Variants in KCNN3 observed in about 807,000 individuals in gnomAD.
KCNN3 encodes small conductance calcium-activated potassium channel protein 3.
Under a neutral mutation model 62.9 loss-of-function variants are expected in KCNN3, and 16 were observed. The observed-to-expected ratio is 0.25, with a 90% confidence interval of 0.17 to 0.39. KCNN3 has a LOEUF of 0.39. Among genes scored for constraint, KCNN3 ranks in the 10% least tolerant of loss-of-function variants. The pLI is 1.00. For synonymous variants in KCNN3, 370 were observed against 389.2 expected (o/e 0.95, Z 0.58); for missense variants, 599 against 949.4 (o/e 0.63, Z 4.85).
intron 3 of KCNN3, among the ~76,000 whole-genome samples, chr1:154,743,792 G>A (rs1005702844): frequency 1.3e-5 from 2 of 152,144 alleles, no homozygotes; most frequent in African/African-American, 4.8e-5. Flanking sequence ...AGTGTTCCCA[G>A]CACGTTTAAG....
chr1:154,726,141 A>G, intron 4 of KCNN3, 115 bp from the exon 5 acceptor site: 1 of 725,988 alleles, frequency 1.4e-6, no homozygotes, highest in Non-Finnish European at 2.4e-6. Context: ...TGGAGTGGGA[A>G]CTTGAGCTCT....
intron 1 of KCNN3, among the ~76,000 whole-genome samples, chr1:154,864,423 A>T (rs1652879816): frequency 1.3e-5 from 2 of 152,268 alleles, no homozygotes; most frequent in South Asian, 4.1e-4. Context: ...TTCCGTGACC[A>T]GGGAGAGCAG....
At chr1:154,795,888 C>T (rs563366705) in intron 2 of KCNN3, among the ~76,000 whole-genome samples, 5 of 152,254 alleles carry the variant, frequency 3.3e-5, no homozygotes, top group South Asian at 2.1e-4. Context: ...CAGATGTGGC[C>T]GCAGAGCAGG....
intron 1 of KCNN3, among the ~76,000 whole-genome samples, chr1:154,840,902 C>T (rs1651796935): frequency 6.6e-6 from 1 of 152,252 alleles, no homozygotes; most frequent in Non-Finnish European, 1.5e-5. Flanking sequence ...CCACCGAATC[C>T]AGACTGAGTG....
intron 2 of KCNN3, among the ~76,000 whole-genome samples, chr1:154,789,657 C>A (rs1254657148): frequency 6.6e-6 from 1 of 152,154 alleles, no homozygotes; most frequent in African/African-American, 2.4e-5. Flanking sequence ...TCACACCTGC[C>A]CTGCCATCGG....
At chr1:154,714,810 G>C in intron 6 of KCNN3, 66 bp downstream of exon 6, 1 of 1,600,430 alleles carries the variant, frequency 6.2e-7, no homozygotes, top group Non-Finnish European at 8.6e-7. Flanking sequence ...GCTACTGACA[G>C]AGTTGTAGGA....
Position 154,772,491 on chromosome 1 carries a change from G to A in KCNN3, c.1030-98C>T. 8.2e-7 allele frequency: 1 copy of A among 1,218,688 alleles called. No homozygotes were observed. Among genetic ancestry groups the A allele is most frequent in the East Asian group, 2.5e-5 (1 of 40,728 alleles). 75.5% of individuals were successfully genotyped at this position (1,218,688 alleles called of 1,614,324 possible). On this transcript the variant is annotated intron_variant, in intron 2 of 7. Coordinates refer to ENST00000271915, the MANE Select transcript of KCNN3 (RefSeq NM_002249.6). This position sits in a 1 kb window ranked among gnomAD's most constrained non-coding sequence, Gnocchi z 5.6. The stretch of plus-strand genomic sequence containing the variant: ...GGGGCAGGCTGGGGCAGGCTGCTGG[G>A]CTCAGGTCAGCCTGACCACCTCAGC...
intron 2 of KCNN3, among the ~76,000 whole-genome samples, chr1:154,806,423 T>C (rs1180293563): frequency 6.6e-6 from 1 of 152,194 alleles, no homozygotes; most frequent in Non-Finnish European, 1.5e-5. Context: ...CAGCTGATGC[T>C]CACAACATCA....
chr1:154,822,229 G>C (rs1650929695), intron 1 of KCNN3, 45 bp from the exon 2 acceptor site: 2 of 1,393,482 alleles, frequency 1.4e-6, no homozygotes, highest in African/African-American at 2.8e-5. Context: ...GCGGGGAAAG[G>C]AGCGTCTCAC....
chr1:154,719,805 C>T (rs1302430053), intron 5 of KCNN3, among the ~76,000 whole-genome samples: 1 of 152,126 alleles, frequency 6.6e-6, no homozygotes, highest in Non-Finnish European at 1.5e-5. Context: ...ACCCTGCTTG[C>T]ACCTCCTCTT....
chr1:154,725,569 A>C (rs2101781909), intron 5 of KCNN3, among the ~76,000 whole-genome samples: 1 of 146,018 alleles, frequency 6.8e-6, no homozygotes, highest in East Asian at 2.0e-4. Flanking sequence ...TTTGAGATGG[A>C]ATCTCTCTCT....
intron 2 of KCNN3, among the ~76,000 whole-genome samples, chr1:154,815,967 G>T (rs1296715374): frequency 6.6e-6 from 1 of 152,156 alleles, no homozygotes; most frequent in African/African-American, 2.4e-5. Flanking sequence ...CACATTACAC[G>T]CACCCAGGAG....
At chr1:154,722,049 T>G (rs188992907) in intron 5 of KCNN3, among the ~76,000 whole-genome samples, 4 of 152,088 alleles carry the variant, frequency 2.6e-5, no homozygotes, top group African/African-American at 7.2e-5. Flanking sequence ...TCTTACCCAG[T>G]GCTATCAGAC....
chr1:154,772,167 G>A lies in KCNN3; in HGVS notation c.1256C>T (p.Ala419Val). The A allele has an allele frequency of 6.2e-7, 1 of 1,614,258 alleles. No individual in the cohort carries two copies. The highest frequency in any genetic ancestry group is 8.5e-7 in the Non-Finnish European group (1 of 1,180,050). ...CTTGCTGTGCAGCAGCATGACTCGG[G>A]CGATCAGGTACAGGCGCAGGAACAT... Reference protein sequence around the residue: ...IPMFLRLYLIARVMLLHSKLF... With the variant: ...IPMFLRLYLIVRVMLLHSKLF... Residue 419 changes from alanine (A) to valine (V), a missense_variant, in exon 3 of 8, where the codon GCC becomes GTC. By Grantham distance (64) the Ala-to-Val change is moderately conservative. Coordinates refer to ENST00000271915, the MANE Select transcript of KCNN3 (RefSeq NM_002249.6). This position sits in a 1 kb window ranked among gnomAD's most constrained non-coding sequence, Gnocchi z 5.6.
intron 4 of KCNN3, among the ~76,000 whole-genome samples, chr1:154,727,657 G>T (rs1700499293): frequency 6.6e-6 from 1 of 152,144 alleles, no homozygotes; most frequent in Admixed American, 6.5e-5. Flanking sequence ...TTCCTCTTTT[G>T]TTCGAGGACG....
chr1:154,849,611 T>G (rs1297916101), intron 1 of KCNN3, among the ~76,000 whole-genome samples: 1 of 152,162 alleles, frequency 6.6e-6, no homozygotes, highest in Non-Finnish European at 1.5e-5. Flanking sequence ...AGTCAGGACT[T>G]GAATTCAGGT....
At chr1:154,764,799 T>C (rs933449561) in intron 3 of KCNN3, among the ~76,000 whole-genome samples, 1 of 152,226 alleles carries the variant, frequency 6.6e-6, no homozygotes, top group African/African-American at 2.4e-5. Flanking sequence ...TACGCGTAAG[T>C]TTAGTCTTGA....
intron 2 of KCNN3, among the ~76,000 whole-genome samples, chr1:154,807,857 C>T (rs1650244697): frequency 6.6e-6 from 1 of 152,012 alleles, no homozygotes; most frequent in Admixed American, 6.5e-5. Context: ...TTTTTCCATT[C>T]CTCTGACTCT....
chr1:154,756,524 C>A (rs971581835), intron 3 of KCNN3, among the ~76,000 whole-genome samples: 1 of 151,904 alleles, frequency 6.6e-6, no homozygotes, highest in African/African-American at 2.4e-5. Flanking sequence ...GTGACTCCTT[C>A]CCCCCGGCTC....
Sources: gnomAD v4.1 joint callset for allele counts (sites outside exome capture counted in the v4.1 genomes callset) on GRCh38, gnomAD v4.1.1 for gene constraint, Gnocchi (gnomAD v3.1) non-coding constraint, MANE v1.5 for transcripts, NCBI Gene and HGNC (gene_info 2026-07-23, HGNC 2026-07-21) for gene names.